The following PROM2 variants were observed in gnomAD, a reference collection of about 807,000 sequenced individuals.
PROM2 encodes the protein prominin-2.
A neutral mutation model predicts 110.2 loss-of-function variants in PROM2; 90 were observed. The observed-to-expected ratio is 0.82, with a 90% CI of 0.69 to 0.97. PROM2 has a LOEUF of 0.97. Ranked by LOEUF, PROM2 falls within the 50% of genes least tolerant of loss-of-function variation. PROM2 has a pLI of 0.00. For missense variants in PROM2, 1,009 were observed against 1,074.8 expected (o/e 0.94, Z 0.86); for synonymous variants, 470 against 467.8 (o/e 1.00, Z -0.06).
rs773248131 is a variant in PROM2 at position 95,282,142 on chromosome 2, G to A, written c.1644G>A (p.Gln548=). ...GTCTGCACCCCTCACTCCTCCTCAG[G>A]CAGTGCAAGGAAGGGGCAGCGCTCT... The part of the protein sequence containing the change: ...RKNISIHQAY[Q]QCKEGAALWT... The change falls in exon 14 of 24, where the codon CAG becomes CAA. Residue 548 remains glutamine (Q), a splice_region_variant and synonymous_variant. Transcript: ENST00000317620. 3 of 1,613,732 alleles carry A rather than the reference G, an allele frequency of 1.9e-6. No homozygotes were observed. The highest frequency in any genetic ancestry group is 4.5e-5 in the East Asian group (2 of 44,868).
Position 95,288,484 on chromosome 2 carries a change from A to T in PROM2, c.2336A>T (p.Asn779Ile). 6.2e-7 allele frequency: 1 copy of T among 1,614,058 alleles called. No homozygotes were observed. The highest frequency in any genetic ancestry group is 8.5e-7 in the Non-Finnish European group (1 of 1,179,912). ...ILCDMMADPW[N>I]AFWFCLAWCT... ...AGCCGACCTCACGCCTTGTTGCAGA[A>T]TGCCTTCTGGTTCTGCCTGGCATGG... is the stretch of plus-strand genomic sequence containing the variant. The change falls in exon 22 of 24, where the codon AAT (asparagine) becomes ATT (isoleucine). Residue 779 changes from asparagine (N) to isoleucine (I), a missense_variant and splice_region_variant. By Grantham distance (149) the Asn-to-Ile change is moderately radical. Coordinates refer to ENST00000317620, the MANE Select transcript of PROM2 (RefSeq NM_001165978.3).
intron 6 of PROM2, 104 bp from the exon 7 acceptor site, chr2:95,277,257 CAAT>C: frequency 1.5e-6 from 2 of 1,300,034 alleles, no homozygotes. Context: ...GGCAGGAGGT[CAAT>C]GATTTGCAGG....
At chr2:95,280,985 C>A (rs1183591949) in intron 11 of PROM2, among the ~76,000 whole-genome samples, 3 of 152,214 alleles carry the variant, frequency 2.0e-5, no homozygotes, top group African/African-American at 7.2e-5. Flanking sequence ...CAGCTGTTTT[C>A]TCCTCTAGGC....
At position 95,287,222 on chromosome 2, in the gene PROM2, T is replaced by A. The variant is rs1430356877; in HGVS notation, c.2175+9T>A. The A allele has an allele frequency of 6.2e-7, 1 of 1,610,106 alleles. No individual in the cohort carries two copies. The highest frequency in any genetic ancestry group is 8.5e-7 in the Non-Finnish European group (1 of 1,178,134). On this transcript the variant is annotated intron_variant, in intron 19 of 23. Transcript: ENST00000317620. ...CCAGGATCCTGAGGAATGTGAGTGGTGGGTGGGACAGGGAAGGGGCTTCCA... is the reference window on the plus strand; with the variant it reads ...CCAGGATCCTGAGGAATGTGAGTGGAGGGTGGGACAGGGAAGGGGCTTCCA...
intron 7 of PROM2, 181 bp from the exon 8 acceptor site, chr2:95,277,749 C>A: frequency 1.3e-6 from 1 of 763,318 alleles, no homozygotes; most frequent in South Asian, 1.8e-5. Flanking sequence ...TGTACGTGAA[C>A]TTCATGTGTG....
Position 95,282,159 on chromosome 2 carries a change from C to T in PROM2, c.1661C>T (p.Ala554Val). The part of the protein sequence containing the change: ...HQAYQQCKEG[A>V]ALWTVLQLND... ...CTCCTCAGGCAGTGCAAGGAAGGGG[C>T]AGCGCTCTGGACAGTCCTGCAGCTC... The change falls in exon 14 of 24, where the codon GCA (alanine) becomes GTA (valine). Residue 554 changes from alanine to valine, a missense_variant. Transcript: ENST00000317620. The T allele has an allele frequency of 1.2e-6, 2 of 1,613,854 alleles. No homozygotes were observed. Among genetic ancestry groups the T allele is most frequent in the Non-Finnish European group, 1.7e-6 (2 of 1,179,922 alleles).
Position 95,288,545 on chromosome 2 carries a change from C to A in PROM2, c.2397C>A (p.Ala799=). 1 of 1,614,216 alleles carries A rather than the reference C, an allele frequency of 6.2e-7. No homozygotes were observed. The highest frequency in any genetic ancestry group is 8.5e-7 in the Non-Finnish European group (1 of 1,180,024). The change falls in exon 22 of 24, where the codon GCC becomes GCA. Residue 799 remains alanine (A), a synonymous_variant. Transcript: ENST00000317620. Reference sequence around the variant, plus strand: ...TCCTGATCCCCAGCATCATCTTTGCCGTCAAGACCTCCAAATACTTCCGTC... The same window carrying A: ...TCCTGATCCCCAGCATCATCTTTGCAGTCAAGACCTCCAAATACTTCCGTC... ...TFFLIPSIIF[A]VKTSKYFRPI... is the part of the protein sequence containing the mutation.
At position 95,279,156 on chromosome 2, in the gene PROM2, C is replaced by CT. The variant is rs1553438415; in HGVS notation, c.1274+12_1274+13insT. 112 of 751,892 alleles carry CT rather than the reference C, an allele frequency of 1.5e-4. 1 individual carries two copies. The South Asian group carries it at 1.5e-3, about 10-fold the overall frequency. The allele number at this position is 751,892 out of a possible 1,614,324, so 46.6% of individuals were successfully genotyped here. ...TACGAGACCTACAGGTGCTGGGCAC[C>CT]GCAGGGTGGGATGGGGTGGGGTGGG... On this transcript the variant is annotated intron_variant, in intron 10 of 23. Transcript: ENST00000317620.
Position 95,274,738 on chromosome 2 carries a change from C to T in PROM2, c.153C>T (p.Ala51=), listed in dbSNP as rs754812539. 1.9e-6 allele frequency: 3 copies of T among 1,612,036 alleles called. No homozygotes were observed. Among genetic ancestry groups the T allele is most frequent in the Non-Finnish European group, 2.5e-6 (3 of 1,179,884 alleles). Residue 51 remains alanine, a synonymous_variant, in exon 1 of 24, where the codon GCC becomes GCT. Transcript: ENST00000317620. ...FTPAARARWL[A]PRVRAPGLLD... is the part of the protein sequence containing the mutation. ...CAGCAGCCAGGGCCCGGTGGCTGGC[C>T]CCTCGAGTTCGTGCGCCAGGACTCC...
Position 95,276,051 on chromosome 2 carries a change from G to A in PROM2, c.416G>A (p.Arg139Gln), listed in dbSNP as rs749543392. The A allele has an allele frequency of 9.9e-6, 16 of 1,611,220 alleles. No individual in the cohort carries two copies. The highest frequency in any genetic ancestry group is 3.3e-5 in the South Asian group (3 of 91,072). Residue 139 changes from arginine (R) to glutamine (Q), a missense_variant, in exon 3 of 24, where the codon CGA becomes CAA. By Grantham distance (43) the Arg-to-Gln change is conservative. Coordinates refer to ENST00000317620, the MANE Select transcript of PROM2 (RefSeq NM_001165978.3). This position sits in a 1 kb window ranked among gnomAD's most constrained non-coding sequence, Gnocchi z 4.6. ...CCRCHRRCGG[R>Q]VKTEHKALAC... ...CGCTGCCACCGGCGCTGCGGGGGAC[G>A]AGTGAAGACAGAGCACAAGGCGCTG... is the stretch of plus-strand genomic sequence containing the variant.
intron 14 of PROM2, among the ~76,000 whole-genome samples, chr2:95,283,922 A>G (rs1368570057): frequency 6.6e-6 from 1 of 152,260 alleles, no homozygotes; most frequent in Non-Finnish European, 1.5e-5. Flanking sequence ...AGCTGACAGC[A>G]TTGAACAATT....
At position 95,281,934 on chromosome 2, in the gene PROM2, A is replaced by AC; in HGVS notation, c.1565dup (p.Gly523ArgfsTer206). 6.2e-7 allele frequency: 1 copy of AC among 1,613,790 alleles called. No homozygotes were observed. Among genetic ancestry groups the AC allele is most frequent in the South Asian group, 1.1e-5 (1 of 91,066 alleles). ...ACTGCCCCATCCCCAGTTTGCAGAC[A>AC]CCCCAGGGAACCTGCCCCCGTCCAT... On this transcript the variant is annotated frameshift_variant, in exon 13 of 24. Coordinates refer to ENST00000317620, the MANE Select transcript of PROM2 (RefSeq NM_001165978.3). LOFTEE classifies it high-confidence loss of function.
At chr2:95,285,553 CTG>C (rs2104136528) in intron 15 of PROM2, 84 bp from the exon 16 acceptor site, 1 of 1,104,092 alleles carries the variant, frequency 9.1e-7, no homozygotes, top group East Asian at 2.6e-5. Flanking sequence ...TTTGATAAGA[CTG>C]GGGATTTGGA....
intron 21 of PROM2, 45 bp downstream of exon 21, chr2:95,288,345 C>G (rs767008013): frequency 4.1e-5 from 66 of 1,606,240 alleles, no homozygotes; most frequent in Admixed American, 2.8e-4. Flanking sequence ...AGTCCCGGAG[C>G]CTTCCTGCTC....
At chr2:95,277,765 T>A in intron 7 of PROM2, 165 bp from the exon 8 acceptor site, 1 of 760,590 alleles carries the variant, frequency 1.3e-6, no homozygotes, top group Non-Finnish European at 2.1e-6. Context: ...GTGTGTGAGC[T>A]CCTTGAGTTC....
intron 17 of PROM2, 103 bp from the exon 18 acceptor site, chr2:95,286,701 C>G (rs1001013733): frequency 1.4e-6 from 1 of 736,742 alleles, no homozygotes; most frequent in African/African-American, 1.8e-5. Flanking sequence ...CTCCTCTCCC[C>G]TCCTCTCCCC....
Position 95,275,127 on chromosome 2 carries a change from G to A in PROM2, c.244+298G>A. ...TCGGTGCTTGGGTTGGGTGGTCCAGGAGTGTCTGAAGGACCCTCCCAGTCC... is the reference window on the plus strand; with the variant it reads ...TCGGTGCTTGGGTTGGGTGGTCCAGAAGTGTCTGAAGGACCCTCCCAGTCC... On this transcript the variant is annotated intron_variant, in intron 1 of 23. Transcript: ENST00000317620. The surrounding 1 kb of genome is among the most constrained non-coding windows in gnomAD (Gnocchi z 4.4). The A allele has an allele frequency of 2.1e-6, 1 of 485,230 alleles. No homozygotes were observed. The highest frequency in any genetic ancestry group is 4.3e-5 in the South Asian group (1 of 23,408). The allele number at this position is 485,230 out of a possible 1,614,324, so 30.1% of individuals were successfully genotyped here.
Position 95,279,151 on chromosome 2 carries a change from G to A in PROM2, c.1274+7G>A. 2 of 404,828 alleles carry A rather than the reference G, an allele frequency of 4.9e-6. No individual in the cohort carries two copies. Among genetic ancestry groups the A allele is most frequent in the Non-Finnish European group, 4.0e-6 (1 of 250,976 alleles). 25.1% of individuals were successfully genotyped at this position (404,828 alleles called of 1,614,324 possible). On this transcript the variant is annotated splice_region_variant and intron_variant, in intron 10 of 23. Coordinates refer to ENST00000317620, the MANE Select transcript of PROM2 (RefSeq NM_001165978.3). ...AGAGATACGAGACCTACAGGTGCTG[G>A]GCACCGCAGGGTGGGATGGGGTGGG...
chr2:95,276,072 C>G lies in PROM2; in HGVS notation c.437C>G (p.Ala146Gly). ...CGGRVKTEHK[A>G]LACERAALMV... ...GGACGAGTGAAGACAGAGCACAAGG[C>G]GCTGGCCTGTGAGCGCGCGGCCCTC... The change falls in exon 3 of 24, where the codon GCG becomes GGG. Residue 146 changes from alanine (A) to glycine (G), a missense_variant. Physicochemically the swap from Ala to Gly is moderately conservative, Grantham distance 60. Coordinates refer to ENST00000317620, the MANE Select transcript of PROM2 (RefSeq NM_001165978.3). The surrounding 1 kb of genome is among the most constrained non-coding windows in gnomAD (Gnocchi z 4.6). 3 of 1,611,264 alleles carry G rather than the reference C, an allele frequency of 1.9e-6. No homozygotes were observed. Among genetic ancestry groups the G allele is most frequent in the Non-Finnish European group, 2.5e-6 (3 of 1,179,868 alleles).
Sources: allele counts gnomAD v4.1 joint callset (sites outside exome capture counted in the v4.1 genomes callset), GRCh38; gene constraint gnomAD v4.1.1; non-coding constraint Gnocchi (gnomAD v3.1); transcripts MANE v1.5; gene names NCBI Gene and HGNC (gene_info 2026-07-23, HGNC 2026-07-21).